The following TRPS1 variants were observed in gnomAD, a reference collection of about 807,000 sequenced individuals.
TRPS1 encodes the protein transcriptional repressor GATA binding 1, also known as zinc finger transcription factor Trps1.
A neutral mutation model predicts 101.2 loss-of-function variants in TRPS1; 6 were observed. The ratio of observed to expected loss-of-function variants is 0.06; its 90% CI spans 0.03 to 0.12. TRPS1 has a LOEUF of 0.12. Ranked by LOEUF, TRPS1 falls within the 10% of genes least tolerant of loss-of-function variation. TRPS1 has a pLI of 1.00. For synonymous variants in TRPS1, 578 were observed against 589.8 expected, an observed-to-expected ratio of 0.98 and a Z score of 0.29; for missense variants, 1,363 against 1,567.0, an observed-to-expected ratio of 0.87 and a Z score of 2.20.
chr8:115,660,607 C>G (rs1459582733), intron 1 of TRPS1, among the ~76,000 whole-genome samples: 1 of 151,042 alleles, frequency 6.6e-6, no homozygotes, highest in Non-Finnish European at 1.5e-5. Flanking sequence ...GAACCATGCT[C>G]CCCTCAAAAA....
intron 5 of TRPS1, among the ~76,000 whole-genome samples, chr8:115,436,074 G>A (rs1813444867): frequency 6.6e-6 from 1 of 150,664 alleles, no homozygotes; most frequent in South Asian, 2.1e-4. Flanking sequence ...CAAATAGGTG[G>A]TGAGACTCAA....
At chr8:115,652,244 G>A (rs568493946) in intron 1 of TRPS1, among the ~76,000 whole-genome samples, 24 of 152,232 alleles carry the variant, frequency 1.6e-4, no homozygotes, top group African/African-American at 4.8e-4. Flanking sequence ...GCTTCCATGA[G>A]GCTACTGGCG....
intron 5 of TRPS1, chr8:115,515,109 A>G: frequency 1.6e-6 from 1 of 610,312 alleles, no homozygotes. Flanking sequence ...TCTCAGGGTC[A>G]CAGATTAAGT....
chr8:115,545,631 T>C (rs933327635), intron 5 of TRPS1, among the ~76,000 whole-genome samples: 1 of 152,174 alleles, frequency 6.6e-6, no homozygotes, highest in African/African-American at 2.4e-5. Context: ...CTATTTACTG[T>C]ACTTACTTTA....
chr8:115,635,127 G>T (rs569881797), intron 1 of TRPS1, among the ~76,000 whole-genome samples: 4 of 152,192 alleles, frequency 2.6e-5, no homozygotes, highest in Non-Finnish European at 5.9e-5. Flanking sequence ...ATTTTCTGAT[G>T]ACCAGAATAC....
intron 1 of TRPS1, among the ~76,000 whole-genome samples, chr8:115,629,935 T>C (rs1367301052): frequency 6.6e-6 from 1 of 151,856 alleles, no homozygotes; most frequent in African/African-American, 2.4e-5. Flanking sequence ...TATCTCACCC[T>C]TGAAAATCCC....
intron 5 of TRPS1, among the ~76,000 whole-genome samples, chr8:115,477,408 G>A (rs934102267): frequency 6.6e-6 from 1 of 152,206 alleles, no homozygotes; most frequent in Non-Finnish European, 1.5e-5. Context: ...AACTGGTAGA[G>A]GCTCTCAAGT....
chr8:115,549,149 A>G (rs1285865132), intron 5 of TRPS1, among the ~76,000 whole-genome samples: 1 of 152,204 alleles, frequency 6.6e-6, no homozygotes. Flanking sequence ...AATTAATGTG[A>G]AAGCCGAACT....
chr8:115,451,337 T>G (rs1813867568), intron 5 of TRPS1, among the ~76,000 whole-genome samples: 1 of 152,012 alleles, frequency 6.6e-6, no homozygotes. Context: ...TTTTTTTCAA[T>G]GAGTATTTTC....
At chr8:115,534,495 A>G (rs1157663739) in intron 5 of TRPS1, among the ~76,000 whole-genome samples, 1 of 152,038 alleles carries the variant, frequency 6.6e-6, no homozygotes, top group African/African-American at 2.4e-5. Flanking sequence ...CTCTAACCTC[A>G]ATACCATCAT....
chr8:115,594,199 C>T (rs771392253), intron 4 of TRPS1, among the ~76,000 whole-genome samples: 1 of 152,054 alleles, frequency 6.6e-6, no homozygotes, highest in Non-Finnish European at 1.5e-5. Context: ...CCTCTGGGTA[C>T]ATTAAGCCAA....
At chr8:115,513,960 GAC>G (rs778152161) in intron 5 of TRPS1, among the ~76,000 whole-genome samples, 10 of 151,682 alleles carry the variant, frequency 6.6e-5, no homozygotes, top group Non-Finnish European at 1.5e-4. Flanking sequence ...TCTCTGTTAT[GAC>G]CTAGGTAACA....
intron 5 of TRPS1, among the ~76,000 whole-genome samples, chr8:115,519,432 G>A (rs1815802270): frequency 6.6e-6 from 1 of 151,410 alleles, no homozygotes. Flanking sequence ...TAAGGGGTTG[G>A]AATAAACTAA....
At chr8:115,518,934 G>T (rs961094883) in intron 5 of TRPS1, among the ~76,000 whole-genome samples, 3 of 151,688 alleles carry the variant, frequency 2.0e-5, no homozygotes, top group Middle Eastern at 3.2e-3. Context: ...AATTGTCAAG[G>T]TTATCCATCT....
chr8:115,612,096 G>T (rs955062272), intron 3 of TRPS1, among the ~76,000 whole-genome samples: 1 of 149,730 alleles, frequency 6.7e-6, no homozygotes, highest in African/African-American at 2.5e-5. Flanking sequence ...AAAGGAAGGA[G>T]GATGAAAAAA....
intron 5 of TRPS1, among the ~76,000 whole-genome samples, chr8:115,576,984 T>C (rs566299378): frequency 6.6e-6 from 1 of 152,108 alleles, no homozygotes; most frequent in Non-Finnish European, 1.5e-5. Context: ...AGAGGACAGA[T>C]TTTTCTATAT....
chr8:115,432,514 T>G (rs1489915007), intron 5 of TRPS1, among the ~76,000 whole-genome samples: 1 of 151,898 alleles, frequency 6.6e-6, no homozygotes, highest in African/African-American at 2.4e-5. Flanking sequence ...TTTAAATTTA[T>G]TTTTTAAATG....
chr8:115,423,950 T>C (rs1459653320), intron 5 of TRPS1, among the ~76,000 whole-genome samples: 1 of 152,222 alleles, frequency 6.6e-6, no homozygotes, highest in Admixed American at 6.5e-5. Context: ...TGATTTCATC[T>C]GATTAATATG....
chr8:115,503,877 A>G (rs1815377905), intron 5 of TRPS1, among the ~76,000 whole-genome samples: 1 of 152,236 alleles, frequency 6.6e-6, no homozygotes, highest in Non-Finnish European at 1.5e-5. Context: ...AAACCATGTT[A>G]TCCCCTTATT....
Sources: gnomAD v4.1 joint callset for allele counts (sites outside exome capture counted in the v4.1 genomes callset) on GRCh38, gnomAD v4.1.1 for gene constraint, MANE v1.5 for transcripts, NCBI Gene and HGNC (gene_info 2026-07-23, HGNC 2026-07-21) for gene names.